MARCHF1: variants seen among roughly 807,000 people sequenced by gnomAD.
The protein encoded by MARCHF1 is membrane associated ring-CH-type finger 1, also known as E3 ubiquitin-protein ligase MARCHF1.
In MARCHF1, 40 loss-of-function variants were observed where a neutral mutation model predicts 54.2. The observed-to-expected ratio is 0.74, with a 90% CI of 0.57 to 0.96. The LOEUF (loss-of-function observed/expected upper bound fraction) is 0.96, where lower values mean the gene tolerates loss of function less well. Among genes scored for constraint, MARCHF1 ranks in the 40% least tolerant of loss-of-function variants. The pLI, the probability that MARCHF1 is intolerant of heterozygous loss-of-function variation, is 0.00. For missense variants in MARCHF1, 586 were observed against 656.5 expected, an observed-to-expected ratio of 0.89 and a Z score of 1.17; for synonymous variants, 236 against 236.3, an observed-to-expected ratio of 1.00 and a Z score of 0.01.
At chr4:164,272,049 C>G (rs1373095507) in intron 1 of MARCHF1, among the ~76,000 whole-genome samples, 1 of 151,636 alleles carries the variant, frequency 6.6e-6, no homozygotes, top group African/African-American at 2.4e-5. Flanking sequence ...CATAGATGAG[C>G]AGATAAATGC....
chr4:164,239,668 T>C (rs917587240), intron 1 of MARCHF1, among the ~76,000 whole-genome samples: 2 of 152,170 alleles, frequency 1.3e-5, no homozygotes, highest in African/African-American at 2.4e-5. Context: ...ATCTAAATGA[T>C]GGACCCATCA....
intron 1 of MARCHF1, among the ~76,000 whole-genome samples, chr4:164,313,162 C>T (rs960632637): frequency 2.0e-5 from 3 of 148,688 alleles, no homozygotes; most frequent in African/African-American, 7.5e-5. Flanking sequence ...TTCAGTGAAA[C>T]CCCGTCTCTA....
downstream of MARCHF1, chr4:163,524,648 A>AATGT (rs1188456044): frequency 6.6e-6 from 1 of 152,190 alleles, no homozygotes; most frequent in Non-Finnish European, 1.5e-5. Flanking sequence ...AATCTTAAAA[A>AATGT]ATGTATGTGT....
intron 3 of MARCHF1, among the ~76,000 whole-genome samples, chr4:163,969,446 T>A (rs114814078): frequency 6.6e-6 from 1 of 152,190 alleles, no homozygotes; most frequent in African/African-American, 2.4e-5. Context: ...TTTGGAGATA[T>A]TGATTCTTGC....
intron 2 of MARCHF1, among the ~76,000 whole-genome samples, chr4:164,057,530 A>G (rs1215582750): frequency 6.6e-6 from 1 of 152,222 alleles, no homozygotes; most frequent in Non-Finnish European, 1.5e-5. Context: ...CTTCCATGAA[A>G]GCTGCCCCAG....
intron 5 of MARCHF1, among the ~76,000 whole-genome samples, chr4:163,658,209 A>G (rs1478541598): frequency 1.4e-5 from 2 of 147,506 alleles, no homozygotes; most frequent in Non-Finnish European, 3.0e-5. Context: ...AATTTACAAG[A>G]AAAAAACAAA....
intron 5 of MARCHF1, among the ~76,000 whole-genome samples, chr4:163,623,749 C>T (rs1385025436): frequency 6.6e-6 from 1 of 152,138 alleles, no homozygotes; most frequent in East Asian, 1.9e-4. Context: ...CAAAATGTAT[C>T]CTTAAATTAA....
At chr4:164,233,648 G>A (rs1732474074) in intron 1 of MARCHF1, among the ~76,000 whole-genome samples, 1 of 152,028 alleles carries the variant, frequency 6.6e-6, no homozygotes, top group African/African-American at 2.4e-5. Flanking sequence ...TCCCCACTAG[G>A]TTCTAATCCT....
chr4:163,831,183 A>C (rs1025923749), intron 4 of MARCHF1, among the ~76,000 whole-genome samples: 2 of 152,170 alleles, frequency 1.3e-5, no homozygotes, highest in Non-Finnish European at 2.9e-5. Flanking sequence ...CCTTAGTGAC[A>C]AAGGGAGTGG....
intron 1 of MARCHF1, among the ~76,000 whole-genome samples, chr4:164,207,622 A>C (rs1202525112): frequency 1.3e-5 from 2 of 152,176 alleles, no homozygotes; most frequent in Non-Finnish European, 2.9e-5. Context: ...TAGAGCTAGC[A>C]GATGAAGGGC....
At chr4:164,248,584 A>G (rs931696042) in intron 1 of MARCHF1, among the ~76,000 whole-genome samples, 7 of 152,048 alleles carry the variant, frequency 4.6e-5, no homozygotes. Flanking sequence ...TTTCATATCC[A>G]CAAGAATTCT....
Position 164,027,421 on chromosome 4 carries a change from A to C in MARCHF1, c.-247-38712T>G, listed in dbSNP as rs190969430. Reference sequence around the variant, plus strand: ...TACATAGATAAATGGATCTATATCCACAGTAGAAAACCCAGAAATAATCCT... The same window carrying C: ...TACATAGATAAATGGATCTATATCCCCAGTAGAAAACCCAGAAATAATCCT... On this transcript the variant is annotated intron_variant, in intron 2 of 9. Transcript: ENST00000514618. Among the ~76,000 whole-genome samples the C allele has an allele frequency of 5.9e-3, 850 of 144,840 alleles. 12 individuals are homozygous for C. Among genetic ancestry groups the C allele is most frequent in the Middle Eastern group, 0.014 (4 of 284 alleles).
intron 3 of MARCHF1, among the ~76,000 whole-genome samples, chr4:163,862,323 G>A (rs1749957008): frequency 6.6e-6 from 1 of 152,042 alleles, no homozygotes; most frequent in Admixed American, 6.6e-5. Flanking sequence ...TAAAGGACTT[G>A]TATTCCAAAC....
At chr4:164,202,684 C>T (rs763960962) in intron 1 of MARCHF1, among the ~76,000 whole-genome samples, 15 of 152,174 alleles carry the variant, frequency 9.9e-5, no homozygotes, top group Admixed American at 1.3e-4. Flanking sequence ...TTTCCCACTA[C>T]GCCTTGCTGC....
intron 3 of MARCHF1, among the ~76,000 whole-genome samples, chr4:163,895,958 T>C (rs774677358): frequency 1.3e-5 from 2 of 152,122 alleles, no homozygotes; most frequent in Non-Finnish European, 2.9e-5. Flanking sequence ...TAAAATATCC[T>C]AGCAAAAGTA....
At chr4:163,873,881 GGA>G (rs1201672566) in intron 3 of MARCHF1, among the ~76,000 whole-genome samples, 2 of 152,276 alleles carry the variant, frequency 1.3e-5, no homozygotes, top group Non-Finnish European at 2.9e-5. Context: ...GTGCTACTCT[GGA>G]ATCGTACCCC....
intron 1 of MARCHF1, among the ~76,000 whole-genome samples, chr4:164,240,881 A>T (rs1337090401): frequency 1.3e-5 from 2 of 152,132 alleles, no homozygotes; most frequent in African/African-American, 4.8e-5. Flanking sequence ...CAGGGTTAGA[A>T]TTATGAGAGA....
chr4:164,159,014 G>A (rs1471812291), intron 1 of MARCHF1, among the ~76,000 whole-genome samples: 8 of 152,198 alleles, frequency 5.3e-5, no homozygotes, highest in African/African-American at 1.7e-4. Context: ...GTGTGCTTGA[G>A]ATTCCAGTAA....
intron 3 of MARCHF1, among the ~76,000 whole-genome samples, chr4:163,927,914 T>C (rs1045562924): frequency 2.6e-5 from 4 of 151,894 alleles, no homozygotes; most frequent in African/African-American, 9.7e-5. Flanking sequence ...AAATTTTTTC[T>C]CTCTTCCAAA....
Sources: allele counts gnomAD v4.1 joint callset (sites outside exome capture counted in the v4.1 genomes callset), GRCh38; gene constraint gnomAD v4.1.1; transcripts MANE v1.5; gene names NCBI Gene and HGNC (gene_info 2026-07-23, HGNC 2026-07-21).